The following NEGR1 variants were observed in gnomAD, a reference collection of about 807,000 sequenced individuals.
The protein encoded by NEGR1 is IgLON family member 4.
Under a neutral mutation model 40.9 loss-of-function variants are expected in NEGR1, and 10 were observed. The ratio of observed to expected loss-of-function variants is 0.24; its 90% confidence interval spans 0.15 to 0.42. The LOEUF is 0.42. Among genes scored for constraint, NEGR1 ranks in the 10% least tolerant of loss-of-function variants. NEGR1 has a pLI of 1.00. For missense variants in NEGR1, 352 were observed against 438.9 expected (o/e 0.80, Z 1.77); for synonymous variants, 185 against 166.8 (o/e 1.11, Z -0.84).
chr1:71,797,087 A>G (rs953471583), intron 2 of NEGR1, among the ~76,000 whole-genome samples: 6 of 152,334 alleles, frequency 3.9e-5, no homozygotes, highest in Non-Finnish European at 5.9e-5. Flanking sequence ...AGAAAGACAG[A>G]CGGGAATGCC....
At chr1:71,721,540 G>A (rs187201585) in intron 3 of NEGR1, among the ~76,000 whole-genome samples, 11 of 152,214 alleles carry the variant, frequency 7.2e-5, no homozygotes, top group African/African-American at 2.4e-4. Context: ...TTTGCAGGGG[G>A]AAGTAAAATA....
At chr1:71,819,796 G>A (rs753812178) in intron 2 of NEGR1, among the ~76,000 whole-genome samples, 21 of 151,964 alleles carry the variant, frequency 1.4e-4, no homozygotes, top group Non-Finnish European at 2.9e-4. Flanking sequence ...TGGAGGAAAG[G>A]GATAACAGGG....
intron 2 of NEGR1, among the ~76,000 whole-genome samples, chr1:71,896,106 C>T (rs1171889692): frequency 2.1e-5 from 3 of 145,540 alleles, no homozygotes; most frequent in Admixed American, 7.0e-5. Context: ...GGCACAATCT[C>T]GGCTCACTGC....
intron 1 of NEGR1, among the ~76,000 whole-genome samples, chr1:72,019,558 G>C (rs144867295): frequency 5.5e-4 from 84 of 152,292 alleles, no homozygotes; most frequent in African/African-American, 2.0e-3. Context: ...ATGAACCCTT[G>C]ATCAGATCAA....
At chr1:71,543,023 AC>A (rs1339020891) in intron 6 of NEGR1, among the ~76,000 whole-genome samples, 1 of 151,770 alleles carries the variant, frequency 6.6e-6, no homozygotes, top group Non-Finnish European at 1.5e-5. Flanking sequence ...TGTATATATG[AC>A]ATGAAAAACC....
intron 1 of NEGR1, among the ~76,000 whole-genome samples, chr1:72,055,004 T>C (rs765970282): frequency 7.3e-5 from 11 of 151,150 alleles, no homozygotes; most frequent in South Asian, 6.2e-4. Flanking sequence ...TTAACACTTA[T>C]AGCACGTCTC....
chr1:71,968,111 T>A (rs750858438), intron 1 of NEGR1, among the ~76,000 whole-genome samples: 2 of 152,198 alleles, frequency 1.3e-5, no homozygotes, highest in Non-Finnish European at 2.9e-5. Flanking sequence ...CTGTATTATT[T>A]ACTCTCTCTA....
intron 3 of NEGR1, among the ~76,000 whole-genome samples, chr1:71,734,530 T>A (rs752552968): frequency 1.7e-4 from 26 of 152,196 alleles, no homozygotes; most frequent in Admixed American, 3.3e-4. Context: ...CTTTCTCCTA[T>A]GTTAATAACT....
At chr1:71,575,020 A>G (rs1195861356) in intron 6 of NEGR1, among the ~76,000 whole-genome samples, 1 of 152,180 alleles carries the variant, frequency 6.6e-6, no homozygotes, top group Non-Finnish European at 1.5e-5. Context: ...CTGTAATGTG[A>G]TAATTTTCAG....
At chr1:71,807,098 G>C (rs191290040) in intron 2 of NEGR1, among the ~76,000 whole-genome samples, 4 of 151,616 alleles carry the variant, frequency 2.6e-5, no homozygotes, top group African/African-American at 9.7e-5. Context: ...GGGTTTCACC[G>C]TGTTAGCCAG....
intron 1 of NEGR1, among the ~76,000 whole-genome samples, chr1:72,152,964 GACACTGGAGATT>G (rs1457559661): frequency 2.6e-5 from 4 of 151,798 alleles, no homozygotes; most frequent in African/African-American, 9.7e-5. Context: ...GGAAACAATA[GACACTGGAGATT>G]ACTGAGAGAA....
At chr1:71,486,914 G>A (rs1458750870) in intron 6 of NEGR1, 2 of 151,394 alleles carry the variant, frequency 1.3e-5, no homozygotes. Context: ...TCCTCTCACA[G>A]TGTTCCATAC....
At chr1:72,257,187 T>C (rs1030929381) in intron 1 of NEGR1, among the ~76,000 whole-genome samples, 5 of 150,844 alleles carry the variant, frequency 3.3e-5, no homozygotes, top group Admixed American at 6.6e-5. Context: ...CCGGGCGTAG[T>C]GGCGGGCGCC....
In NEGR1 at chr1:71,428,027, AACAC is replaced by A. The variant is rs530129288; in HGVS notation, c.941-20461_941-20458del. On this transcript the variant is annotated intron_variant, in intron 6 of 6. Transcript: ENST00000357731. ...ACACACACACACATGCATGCACACAAACACACACACTGTCCTTATGCATAGCAAC... is the reference window on the plus strand; with the variant it reads ...ACACACACACACATGCATGCACACAAACACACTGTCCTTATGCATAGCAAC... 1.1e-4 allele frequency among the ~76,000 whole-genome samples: 17 copies of A among 151,838 alleles called. No homozygotes were observed. The East Asian group carries it at 1.4e-3, about 12-fold the overall frequency.
chr1:72,137,609 G>C (rs904575987), intron 1 of NEGR1, among the ~76,000 whole-genome samples: 7 of 152,090 alleles, frequency 4.6e-5, no homozygotes, highest in African/African-American at 1.4e-4. Context: ...GGGAGGGATA[G>C]CATTAGGAGA....
At chr1:71,562,598 A>G (rs1379468492) in intron 6 of NEGR1, among the ~76,000 whole-genome samples, 1 of 151,946 alleles carries the variant, frequency 6.6e-6, no homozygotes, top group Non-Finnish European at 1.5e-5. Flanking sequence ...GGAAGAATGT[A>G]ATTGTTTAGT....
chr1:71,992,238 T>G (rs544523189), intron 1 of NEGR1, among the ~76,000 whole-genome samples: 6 of 152,152 alleles, frequency 3.9e-5, no homozygotes, highest in African/African-American at 1.4e-4. Context: ...TTTTAGCATA[T>G]AAATTAAATT....
intron 3 of NEGR1, among the ~76,000 whole-genome samples, chr1:71,735,081 C>G (rs1253350865): frequency 6.6e-6 from 1 of 152,046 alleles, no homozygotes; most frequent in African/African-American, 2.4e-5. Context: ...TGGCCTATTT[C>G]TTAATTTTCA....
At chr1:71,569,067 C>A (rs545618151) in intron 6 of NEGR1, among the ~76,000 whole-genome samples, 13 of 152,110 alleles carry the variant, frequency 8.5e-5, no homozygotes, top group Admixed American at 7.9e-4. Context: ...CAGGCACATG[C>A]CACGATGCCC....
Sources: allele counts gnomAD v4.1 joint callset (sites outside exome capture counted in the v4.1 genomes callset), GRCh38; gene constraint gnomAD v4.1.1; transcripts MANE v1.5; gene names NCBI Gene and HGNC (gene_info 2026-07-23, HGNC 2026-07-21).